The following BTC variants were observed in gnomAD, a reference collection of about 807,000 sequenced individuals.
BTC encodes the protein betacellulin, also known as probetacellulin.
In BTC, 13 loss-of-function variants were observed where a neutral mutation model predicts 18.1. The observed-to-expected ratio is 0.72, with a 90% confidence interval of 0.47 to 1.14. The LOEUF is 1.14. Ranked by LOEUF, BTC falls within the 50% of genes most tolerant of loss-of-function variation. The pLI, the probability that BTC is intolerant of heterozygous loss-of-function variation, is 0.00. For missense variants in BTC, 247 were observed against 224.2 expected (o/e 1.10, Z -0.65); for synonymous variants, 83 against 79.4 (o/e 1.05, Z -0.24).
At chr4:74,751,098 A>T (rs1553956141) in intron 3 of BTC, among the ~76,000 whole-genome samples, 1 of 152,222 alleles carries the variant, frequency 6.6e-6, no homozygotes, top group East Asian at 1.9e-4. Flanking sequence ...TCATCACAGG[A>T]TAATGCAAAT....
chr4:74,761,716 T>C (rs1248272301), intron 2 of BTC, among the ~76,000 whole-genome samples: 1 of 152,142 alleles, frequency 6.6e-6, no homozygotes, highest in African/African-American at 2.4e-5. Flanking sequence ...TCAAAATACA[T>C]GCAGAATAAC....
chr4:74,766,930 A>G (rs1724916362), intron 2 of BTC, among the ~76,000 whole-genome samples: 1 of 152,032 alleles, frequency 6.6e-6, no homozygotes, highest in Admixed American at 6.6e-5. Flanking sequence ...ACCCCAAAAT[A>G]ATAGGCCTTA....
chr4:74,749,162 GCTCATGC>G (rs1724378054), intron 4 of BTC, among the ~76,000 whole-genome samples: 1 of 152,066 alleles, frequency 6.6e-6, no homozygotes, highest in Non-Finnish European at 1.5e-5. Context: ...GGGCGCGGTG[GCTCATGC>G]CTGTAATCCC....
intron 1 of BTC, among the ~76,000 whole-genome samples, chr4:74,789,984 A>AT (rs1223559138): frequency 1.3e-5 from 2 of 151,754 alleles, no homozygotes; most frequent in Admixed American, 6.5e-5. Flanking sequence ...AGAGGCATTT[A>AT]TTTTTTCAAA....
chr4:74,750,542 T>A (rs782686341), intron 4 of BTC, 31 bp downstream of exon 4: 1 of 1,584,642 alleles, frequency 6.3e-7, no homozygotes, highest in Non-Finnish European at 8.6e-7. Flanking sequence ...GTTTCTCAGA[T>A]TTACTTAAAA....
chr4:74,793,458 A>G (rs1463665557), intron 1 of BTC, among the ~76,000 whole-genome samples: 1 of 152,184 alleles, frequency 6.6e-6, no homozygotes, highest in Non-Finnish European at 1.5e-5. Flanking sequence ...TACCACATAA[A>G]TGCTCCAAAC....
chr4:74,787,813 T>C (rs1725521207), intron 1 of BTC, among the ~76,000 whole-genome samples: 1 of 152,204 alleles, frequency 6.6e-6, no homozygotes, highest in Non-Finnish European at 1.5e-5. Flanking sequence ...CAGGTGCTGT[T>C]GCTACTCTAA....
chr4:74,749,685 T>TG lies in BTC; in HGVS notation c.428+887_428+888insC, dbSNP rs1456511531. Among the ~76,000 whole-genome samples the TG allele has an allele frequency of 1.5e-4, 19 of 124,992 alleles. 2 individuals carry two copies. Among genetic ancestry groups the TG allele is most frequent in the South Asian group, 1.4e-3 (5 of 3,698 alleles). 82.0% of individuals were successfully genotyped at this position (124,992 alleles called of 152,430 possible). On this transcript the variant is annotated intron_variant, in intron 4 of 5. Coordinates refer to ENST00000395743, the MANE Select transcript of BTC (RefSeq NM_001729.4). ...ATACCACTTTAATAAGATAGTTTTT[T>TG]TTGTTGTTGTTGTTGTTGTTGTTGT... is the stretch of plus-strand genomic sequence containing the variant.
intron 2 of BTC, among the ~76,000 whole-genome samples, chr4:74,764,542 A>C (rs1724846991): frequency 6.6e-6 from 1 of 152,154 alleles, no homozygotes; most frequent in African/African-American, 2.4e-5. Flanking sequence ...GACATAAAAA[A>C]CCACATCTAT....
At chr4:74,782,680 T>C (rs1010145329) in intron 1 of BTC, among the ~76,000 whole-genome samples, 2 of 152,158 alleles carry the variant, frequency 1.3e-5, no homozygotes, top group African/African-American at 4.8e-5. Flanking sequence ...AGCCACACTG[T>C]CTTCCACAAT....
intron 1 of BTC, among the ~76,000 whole-genome samples, chr4:74,779,478 C>T (rs1725263258): frequency 6.6e-6 from 1 of 152,110 alleles, no homozygotes; most frequent in Non-Finnish European, 1.5e-5. Context: ...ATTCCCATTC[C>T]TTTATAATAA....
rs183385000 is a variant in BTC, at chr4:74,749,156, G to A, written c.429-1007C>T. ...CAAAAATCAAGTACTCTGGCCGGGC[G>A]CGGTGGCTCATGCCTGTAATCCCAG... On this transcript the variant is annotated intron_variant, in intron 4 of 5. Transcript: ENST00000395743. 4.6e-5 allele frequency among the ~76,000 whole-genome samples: 7 copies of A among 152,168 alleles called. No homozygotes were observed. In the South Asian group the frequency reaches 6.2e-4, roughly 14 times the overall value.
chr4:74,790,457 T>C (rs1260337737), intron 1 of BTC, among the ~76,000 whole-genome samples: 1 of 152,190 alleles, frequency 6.6e-6, no homozygotes, highest in Non-Finnish European at 1.5e-5. Context: ...CAGGAGGCCA[T>C]GCCCCAAAGG....
intron 2 of BTC, among the ~76,000 whole-genome samples, chr4:74,761,823 T>G (rs1553957371): frequency 6.6e-6 from 1 of 152,186 alleles, no homozygotes; most frequent in Non-Finnish European, 1.5e-5. Flanking sequence ...TCCTTCTGCC[T>G]TTGCCCACTT....
At chr4:74,788,041 T>C (rs771164051) in intron 1 of BTC, among the ~76,000 whole-genome samples, 1 of 152,186 alleles carries the variant, frequency 6.6e-6, no homozygotes, top group African/African-American at 2.4e-5. Context: ...ATTCCCCAGA[T>C]AGGAAACCAT....
At position 74,770,150 on chromosome 4, in the gene BTC, A is replaced by G; in HGVS notation, c.71T>C (p.Val24Ala). ...PLLLALALGL[V>A]ILHCVVADGN... ...ATCTGCCACCACACAGTGAAGGATCACTAGACCTTCAAATTCAAAACAGAA... is the reference window on the plus strand; with the variant it reads ...ATCTGCCACCACACAGTGAAGGATCGCTAGACCTTCAAATTCAAAACAGAA... Residue 24 changes from valine (V) to alanine (A), a missense_variant, in exon 2 of 6, where the codon GTG (valine) becomes GCG (alanine). Val to Ala is a moderately conservative substitution (Grantham distance 64). Coordinates refer to ENST00000395743, the MANE Select transcript of BTC (RefSeq NM_001729.4). 2 of 1,604,672 alleles carry G rather than the reference A, an allele frequency of 1.2e-6. No homozygotes were observed. The highest frequency in any genetic ancestry group is 1.1e-5 in the South Asian group (1 of 88,812).
chr4:74,791,969 TCA>T (rs3087019), intron 1 of BTC, among the ~76,000 whole-genome samples: 4,835 of 134,096 alleles, frequency 0.036, 86 homozygotes, highest in Middle Eastern at 0.055. Context: ...TTCCACCATC[TCA>T]CACACACACA....
At chr4:74,755,677 G>A (rs530707902) in intron 3 of BTC, among the ~76,000 whole-genome samples, 182 bp downstream of exon 3, 1 of 152,356 alleles carries the variant, frequency 6.6e-6, no homozygotes, top group Admixed American at 6.5e-5. Context: ...GGAGGAAAGT[G>A]TGCGTCAGTT....
At chr4:74,747,901 A>T (rs1406623379) in intron 5 of BTC, 139 bp downstream of exon 5, 7 of 487,866 alleles carry the variant, frequency 1.4e-5, no homozygotes, top group Non-Finnish European at 2.1e-5. Flanking sequence ...GATTCTATGA[A>T]AAAAACCATT....
Sources: gnomAD v4.1 joint callset for allele counts (sites outside exome capture counted in the v4.1 genomes callset) on GRCh38, gnomAD v4.1.1 for gene constraint, MANE v1.5 for transcripts, NCBI Gene and HGNC (gene_info 2026-07-23, HGNC 2026-07-21) for gene names.